PITPNC1: variants seen among roughly 807,000 people sequenced by gnomAD.
PITPNC1 encodes the protein phosphatidylinositol transfer protein cytoplasmic 1, also known as cytoplasmic phosphatidylinositol transfer protein 1.
Under a neutral mutation model 44.7 loss-of-function variants are expected in PITPNC1, and 18 were observed. That is an observed-to-expected ratio of 0.40 (90% CI 0.28 to 0.60). PITPNC1 has a LOEUF of 0.60. Ranked by LOEUF, PITPNC1 falls within the 20% of genes least tolerant of loss-of-function variation. PITPNC1 has a pLI of 0.39. For missense variants in PITPNC1, 290 were observed against 418.4 expected (o/e 0.69, Z 2.68); for synonymous variants, 141 against 149.6 (o/e 0.94, Z 0.42).
intron 6 of PITPNC1, among the ~76,000 whole-genome samples, chr17:67,640,611 C>A (rs1215977836): frequency 6.9e-6 from 1 of 144,456 alleles, no homozygotes; most frequent in South Asian, 2.2e-4. Flanking sequence ...ACCCAGGAGG[C>A]GAAGCTTGCA....
At chr17:67,414,690 G>T (rs376971342) in intron 1 of PITPNC1, among the ~76,000 whole-genome samples, 1 of 152,112 alleles carries the variant, frequency 6.6e-6, no homozygotes. Context: ...ACCCGCAGGG[G>T]TTGAAACAGA....
At chr17:67,423,486 A>G (rs2038700174) in intron 1 of PITPNC1, among the ~76,000 whole-genome samples, 1 of 152,096 alleles carries the variant, frequency 6.6e-6, no homozygotes, top group Non-Finnish European at 1.5e-5. Context: ...GAATATTAGT[A>G]TTTTCAAATC....
chr17:67,647,464 G>GTTTTTTTTTTTTTT (rs60407940), intron 6 of PITPNC1, among the ~76,000 whole-genome samples: 5 of 72,360 alleles, frequency 6.9e-5, no homozygotes, highest in African/African-American at 1.8e-4. Flanking sequence ...CTAATTTTGG[G>GTTTTTTTTTTTTTT]TTTTTTTTTT....
chr17:67,424,085 CA>C (rs71139144), intron 1 of PITPNC1, among the ~76,000 whole-genome samples: 9,729 of 75,676 alleles, frequency 0.13, 146 homozygotes, highest in Middle Eastern at 0.24. Context: ...GAGACTGTCT[CA>C]AAAAAAAAAA....
intron 5 of PITPNC1, among the ~76,000 whole-genome samples, chr17:67,629,238 C>CTGTGTGTTTGTGTGTGTGTG (rs1555574243): frequency 7.6e-6 from 1 of 131,230 alleles, no homozygotes; most frequent in African/African-American, 2.9e-5. Context: ...CTGGGGTATT[C>CTGTGTGTTTGTGTGTGTGTG]TGTGTGTGTG....
At chr17:67,476,216 C>G (rs1311231825) in intron 1 of PITPNC1, among the ~76,000 whole-genome samples, 5 of 135,980 alleles carry the variant, frequency 3.7e-5, no homozygotes, top group African/African-American at 1.4e-4. Context: ...GATGGAGTCT[C>G]GCTTTGTCAC....
At chr17:67,575,630 T>C (rs907035816) in intron 4 of PITPNC1, among the ~76,000 whole-genome samples, 1 of 152,092 alleles carries the variant, frequency 6.6e-6, no homozygotes, top group African/African-American at 2.4e-5. Context: ...ATTGTGCGGC[T>C]GAAGCATGTG....
At chr17:67,541,373 A>C (rs1018254149) in intron 2 of PITPNC1, among the ~76,000 whole-genome samples, 4 of 152,204 alleles carry the variant, frequency 2.6e-5, no homozygotes, top group Non-Finnish European at 5.9e-5. Flanking sequence ...TACAAATTAT[A>C]TAAGTATGGG....
At chr17:67,608,200 A>G (rs2041634551) in intron 5 of PITPNC1, among the ~76,000 whole-genome samples, 1 of 151,394 alleles carries the variant, frequency 6.6e-6, no homozygotes, top group Admixed American at 6.6e-5. Context: ...TTTCAATAGC[A>G]AATAAAAACT....
chr17:67,637,274 T>C (rs545909314), intron 6 of PITPNC1, among the ~76,000 whole-genome samples: 1 of 152,272 alleles, frequency 6.6e-6, no homozygotes, highest in Admixed American at 6.5e-5. Context: ...CAAGCAGTTG[T>C]GAATCAGAGT....
At chr17:67,557,676 C>T (rs1306136227) in intron 4 of PITPNC1, among the ~76,000 whole-genome samples, 3 of 152,162 alleles carry the variant, frequency 2.0e-5, no homozygotes, top group Non-Finnish European at 4.4e-5. Context: ...CAGATTCAGC[C>T]GTGTTCTCAC....
At chr17:67,642,864 G>C (rs930789274) in intron 6 of PITPNC1, among the ~76,000 whole-genome samples, 1 of 151,712 alleles carries the variant, frequency 6.6e-6, no homozygotes, top group South Asian at 2.1e-4. Flanking sequence ...ATTTTTCAAG[G>C]GGAAAAAAAC....
chr17:67,496,183 G>C (rs2144057701), intron 1 of PITPNC1, among the ~76,000 whole-genome samples: 1 of 152,186 alleles, frequency 6.6e-6, no homozygotes, highest in South Asian at 2.1e-4. Flanking sequence ...AACTTAAGAT[G>C]GGAAAAAAGA....
At chr17:67,619,487 A>G (rs1369219878) in intron 5 of PITPNC1, among the ~76,000 whole-genome samples, 2 of 151,898 alleles carry the variant, frequency 1.3e-5, no homozygotes, top group African/African-American at 4.8e-5. Flanking sequence ...AAGGACCCCC[A>G]CAGGCATTCT....
In PITPNC1 at chr17:67,588,969, C is replaced by T. The variant is rs535462815; in HGVS notation, c.366+10712C>T. ...TTTAACCTTAGATTATTATAACCAG[C>T]CACCTACAAAATCTGCAATTTTCTC... On this transcript the variant is annotated intron_variant, in intron 5 of 8. Transcript: ENST00000581322. Among the ~76,000 whole-genome samples, 38 of 152,276 alleles carry T rather than the reference C, an allele frequency of 2.5e-4. 1 individual carries two copies. The highest frequency in any genetic ancestry group is 9.1e-4 in the African/African-American group (38 of 41,566).
At chr17:67,386,571 G>A (rs2038057344) in intron 1 of PITPNC1, among the ~76,000 whole-genome samples, 1 of 152,162 alleles carries the variant, frequency 6.6e-6, no homozygotes, top group Admixed American at 6.5e-5. Flanking sequence ...GTATGAGATG[G>A]GGAGTGGGGA....
intron 1 of PITPNC1, among the ~76,000 whole-genome samples, chr17:67,452,364 C>T (rs2039192852): frequency 6.6e-6 from 1 of 151,782 alleles, no homozygotes; most frequent in Non-Finnish European, 1.5e-5. Context: ...GGATGTACCA[C>T]ATTTTGTTTA....
At position 67,696,484 on chromosome 17, in the gene PITPNC1, G is replaced by A. The variant is rs1404570936; in HGVS notation, c.*3596G>A. On this transcript the variant is annotated 3_prime_UTR_variant, in exon 9 of 9. Coordinates refer to ENST00000581322, the MANE Select transcript of PITPNC1 (RefSeq NM_012417.4). ...TAATGTGTAATCAGATAATCCAATA[G>A]AGAGGAATTGTCCAAATAGTTTTAG... 4 of 152,200 alleles carry A rather than the reference G, an allele frequency of 2.6e-5. No individual in the cohort carries two copies. The highest frequency in any genetic ancestry group is 5.9e-5 in the Non-Finnish European group (4 of 68,032). 9.4% of individuals were successfully genotyped at this position (152,200 alleles called of 1,614,324 possible).
chr17:67,611,017 C>T (rs1233705622), intron 5 of PITPNC1, among the ~76,000 whole-genome samples: 1 of 151,996 alleles, frequency 6.6e-6, no homozygotes, highest in Non-Finnish European at 1.5e-5. Flanking sequence ...CATCTGCTGG[C>T]AAACAAAATG....
Sources: allele counts gnomAD v4.1 joint callset (sites outside exome capture counted in the v4.1 genomes callset), GRCh38; gene constraint gnomAD v4.1.1; transcripts MANE v1.5; gene names NCBI Gene and HGNC (gene_info 2026-07-23, HGNC 2026-07-21).